DPH6: variants seen among roughly 807,000 people sequenced by gnomAD.
DPH6 encodes diphthine--ammonia ligase.
A neutral mutation model predicts 38.2 loss-of-function variants in DPH6; 33 were observed. The ratio of observed to expected loss-of-function variants is 0.86; its 90% CI spans 0.65 to 1.15. DPH6 has a LOEUF of 1.15. DPH6 is among the 50% of genes most tolerant of loss of function. DPH6 has a pLI of 0.00. For synonymous variants in DPH6, 108 were observed against 103.0 expected (o/e 1.05, Z -0.30); for missense variants, 325 against 320.0 (o/e 1.02, Z -0.12).
chr15:35,510,993 A>G (rs887652656), intron 3 of DPH6, among the ~76,000 whole-genome samples: 1 of 152,176 alleles, frequency 6.6e-6, no homozygotes, highest in Non-Finnish European at 1.5e-5. Flanking sequence ...TAAATAAATG[A>G]TACTCTTTTG....
intron 3 of DPH6, among the ~76,000 whole-genome samples, chr15:35,516,902 G>A (rs1459747973): frequency 6.6e-6 from 1 of 151,908 alleles, no homozygotes; most frequent in Non-Finnish European, 1.5e-5. Flanking sequence ...TACTACTACT[G>A]ACTCCTCCCA....
chr15:35,299,413 C>T, intron 3 of DPH6: 1 of 790,702 alleles, frequency 1.3e-6, no homozygotes, highest in Non-Finnish European at 2.3e-6. Flanking sequence ...TTTTGAGTCA[C>T]TGGTTTCCTC....
chr15:35,224,391 G>A (rs1360871182), intron 3 of DPH6, among the ~76,000 whole-genome samples: 1 of 152,132 alleles, frequency 6.6e-6, no homozygotes, highest in East Asian at 1.9e-4. Flanking sequence ...ACAGGCATGA[G>A]CCACCACGCC....
intron 5 of DPH6, among the ~76,000 whole-genome samples, chr15:35,441,691 A>C (rs1016663124): frequency 6.6e-6 from 1 of 152,202 alleles, no homozygotes; most frequent in Admixed American, 6.5e-5. Flanking sequence ...GGATAGCATT[A>C]GGAGAAATAT....
intron 3 of DPH6, among the ~76,000 whole-genome samples, chr15:35,304,837 T>C (rs1309099578): frequency 1.3e-5 from 2 of 151,606 alleles, no homozygotes; most frequent in African/African-American, 4.8e-5. Context: ...CTAAATTACA[T>C]AGTCTCACCC....
chr15:35,195,450 T>C, the DPH6 span, among the ~76,000 whole-genome samples: 1 of 152,176 alleles, frequency 6.6e-6, no homozygotes, highest in Admixed American at 6.5e-5. Context: ...GGTGAAAAGA[T>C]ACCAGAGGTC....
At chr15:35,285,872 G>GTTTTTTGTTTTTTTTTTTTTTTTTT (rs2051938461) in intron 3 of DPH6, among the ~76,000 whole-genome samples, 1 of 52,794 alleles carries the variant, frequency 1.9e-5, no homozygotes, top group Non-Finnish European at 3.3e-5. Context: ...TTATCTTTGA[G>GTTTTTTGTTTTTTTTTTTTTTTTTT]TTTTTTTTTT....
At chr15:35,217,234 AT>A (rs1352509100), downstream of DPH6, 1 of 152,238 alleles carries the variant, frequency 6.6e-6, no homozygotes, top group East Asian at 1.9e-4. Context: ...ATAAGCAAAA[AT>A]TTAGGTTTAG....
chr15:35,419,095 A>ACACACT (rs934658528), intron 5 of DPH6, among the ~76,000 whole-genome samples: 2 of 151,150 alleles, frequency 1.3e-5, no homozygotes, highest in African/African-American at 4.9e-5. Context: ...ACACACACAC[A>ACACACT]CTCTTGAAAT....
intron 3 of DPH6, among the ~76,000 whole-genome samples, chr15:35,526,289 T>C (rs1199949738): frequency 2.0e-5 from 3 of 152,012 alleles, no homozygotes; most frequent in African/African-American, 7.3e-5. Flanking sequence ...TAGTAGGGAG[T>C]ACAGAAGAAT....
chr15:35,200,416 T>G, the DPH6 span, among the ~76,000 whole-genome samples: 1 of 152,236 alleles, frequency 6.6e-6, no homozygotes, highest in East Asian at 1.9e-4. Context: ...GCATTGAAAC[T>G]CCTTTGTTGG....
intron 6 of DPH6, among the ~76,000 whole-genome samples, chr15:35,388,299 TTC>T (rs1048381284): frequency 7.2e-5 from 11 of 152,324 alleles, no homozygotes; most frequent in African/African-American, 2.4e-4. Context: ...TGGTCTAAAA[TTC>T]TCTTTTTTTG....
At chr15:35,202,323 T>C in the DPH6 span, among the ~76,000 whole-genome samples, 2 of 151,784 alleles carry the variant, frequency 1.3e-5, no homozygotes, top group Non-Finnish European at 3.0e-5. Flanking sequence ...ATGGTGGCTA[T>C]ACAGCAGAAC....
intron 3 of DPH6, among the ~76,000 whole-genome samples, chr15:35,485,100 T>C (rs1359602052): frequency 6.6e-6 from 1 of 152,210 alleles, no homozygotes; most frequent in African/African-American, 2.4e-5. Flanking sequence ...CCAACAATTC[T>C]CTGTGGTAGA....
At chr15:35,317,558 C>A (rs2052202926) in intron 3 of DPH6, among the ~76,000 whole-genome samples, 1 of 136,674 alleles carries the variant, frequency 7.3e-6, no homozygotes, top group Non-Finnish European at 1.5e-5. Flanking sequence ...CATATTCTCA[C>A]TAAAATATAT....
chr15:35,541,831 A>G (rs1448660580), intron 2 of DPH6, among the ~76,000 whole-genome samples: 3 of 152,136 alleles, frequency 2.0e-5, no homozygotes, highest in Non-Finnish European at 4.4e-5. Context: ...AGAATGAAAA[A>G]AGTAGTCAAT....
the DPH6 span, among the ~76,000 whole-genome samples, chr15:35,170,953 ATGT>A: frequency 6.6e-6 from 1 of 152,210 alleles, no homozygotes; most frequent in Non-Finnish European, 1.5e-5. Context: ...CAGCATTATA[ATGT>A]TGTATTTTTA....
Position 35,371,894 on chromosome 15 carries a change from A to G in DPH6, c.*256T>C, listed in dbSNP as rs2052716996. On this transcript the variant is annotated 3_prime_UTR_variant, in exon 9 of 9. Transcript: ENST00000256538. ...GGGGTTTATAGATGAAATAAAAGAA[A>G]AAAAAGGTCATAGGGAAGATGTGTT... The G allele has an allele frequency of 8.8e-7, 1 of 1,140,702 alleles. No individual in the cohort carries two copies. The highest frequency in any genetic ancestry group is 1.1e-6 in the Non-Finnish European group (1 of 924,836). The allele number at this position is 1,140,702 out of a possible 1,614,324, so 70.7% of individuals were successfully genotyped here.
intron 3 of DPH6, among the ~76,000 whole-genome samples, chr15:35,290,737 G>A (rs1301743577): frequency 1.3e-5 from 2 of 151,508 alleles, no homozygotes; most frequent in South Asian, 2.1e-4. Flanking sequence ...TAAAGCATCC[G>A]CCCTTTGTGC....
Sources: gnomAD v4.1 joint callset for allele counts (sites outside exome capture counted in the v4.1 genomes callset) on GRCh38, gnomAD v4.1.1 for gene constraint, MANE v1.5 for transcripts, NCBI Gene and HGNC (gene_info 2026-07-23, HGNC 2026-07-21) for gene names.